Variants in VPS8 observed in about 807,000 individuals in gnomAD.
VPS8 encodes the protein VPS8 subunit of CORVET complex.
In VPS8, 129 loss-of-function variants were observed where a neutral mutation model predicts 216.4. The observed-to-expected ratio is 0.60, with a 90% CI of 0.52 to 0.69. The LOEUF is 0.69. VPS8 is among the 30% of genes least tolerant of loss of function. The pLI, the probability that VPS8 is intolerant of heterozygous loss-of-function variation, is 0.00. For missense variants in VPS8, 1,531 were observed against 1,683.5 expected (o/e 0.91, Z 1.59); for synonymous variants, 571 against 565.4 (o/e 1.01, Z -0.14).
At chr3:184,826,282 A>G (rs1216374437) in intron 3 of VPS8, 51 bp downstream of exon 3, 1 of 1,496,498 alleles carries the variant, frequency 6.7e-7, no homozygotes, top group Non-Finnish European at 9.2e-7. Context: ...ATTCATCTTA[A>G]TACTTTTTGG....
At chr3:184,922,528 T>C in intron 29 of VPS8, 2 of 402,410 alleles carry the variant, frequency 5.0e-6, no homozygotes, top group South Asian at 3.7e-5. Flanking sequence ...TATACTAAGT[T>C]GGAAGAGTGA....
intron 25 of VPS8, among the ~76,000 whole-genome samples, chr3:184,903,641 T>G (rs1734978802): frequency 1.3e-5 from 2 of 151,412 alleles, no homozygotes; most frequent in South Asian, 4.2e-4. Context: ...CAAGACAGGG[T>G]CTTGCTATGT....
chr3:184,849,392 A>T (rs1723831159), intron 9 of VPS8, 197 bp downstream of exon 9: 1 of 518,596 alleles, frequency 1.9e-6, no homozygotes, highest in African/African-American at 2.0e-5. Context: ...AGAGTCTGTA[A>T]TTTTTTATAT....
At chr3:184,932,734 A>G (rs1316584596) in intron 34 of VPS8, among the ~76,000 whole-genome samples, 1 of 152,026 alleles carries the variant, frequency 6.6e-6, no homozygotes, top group Non-Finnish European at 1.5e-5. Context: ...ATCATACTTT[A>G]TTTTCTTATT....
chr3:184,918,846 G>A (rs1307135435), intron 28 of VPS8, among the ~76,000 whole-genome samples: 4 of 152,120 alleles, frequency 2.6e-5, no homozygotes, highest in African/African-American at 4.8e-5. Context: ...TCATGAATCC[G>A]AAGATAGAAC....
At chr3:185,028,665 A>C (rs1757713077) in intron 46 of VPS8, among the ~76,000 whole-genome samples, 1 of 152,198 alleles carries the variant, frequency 6.6e-6, no homozygotes, top group South Asian at 2.1e-4. Flanking sequence ...TTTTTCTCTC[A>C]GAAAACCCTG....
In VPS8 at chr3:184,954,226, A is replaced by C. The variant is rs1478958595; in HGVS notation, c.3036-3148A>C. On this transcript the variant is annotated intron_variant, in intron 36 of 47. Coordinates refer to ENST00000625842, the MANE Select transcript of VPS8 (RefSeq NM_001009921.3). ...GGGAGCTTCCATGCTCTCTCAGTGC[A>C]CACTGCCCTCCAGGACCCTCCACAT... Among the ~76,000 whole-genome samples, 4 of 152,326 alleles carry C rather than the reference A, an allele frequency of 2.6e-5. No individual in the cohort carries two copies. In the East Asian group the frequency reaches 5.8e-4, roughly 22 times the overall value.
At chr3:185,021,697 G>A (rs1490413077) in intron 45 of VPS8, among the ~76,000 whole-genome samples, 1 of 152,196 alleles carries the variant, frequency 6.6e-6, no homozygotes, top group Non-Finnish European at 1.5e-5. Context: ...ACAGCTAGCA[G>A]TTTTGATTGT....
intron 45 of VPS8, among the ~76,000 whole-genome samples, chr3:185,005,812 GT>G (rs1185136374): frequency 1.3e-5 from 2 of 152,072 alleles, no homozygotes; most frequent in African/African-American, 4.8e-5. Context: ...GGTCTTTAGG[GT>G]TTTTAAGGTA....
chr3:184,861,058 G>A (rs1397071971), intron 15 of VPS8, among the ~76,000 whole-genome samples: 2 of 151,998 alleles, frequency 1.3e-5, no homozygotes, highest in Non-Finnish European at 2.9e-5. Flanking sequence ...TCCTGACCTC[G>A]TGATCTGCCC....
rs1354122075 is a variant in VPS8 at position 184,938,792 on chromosome 3, CCCAGGCGGGCAGATCGCTTGAGCTCAG to C, written c.2989-1404_2989-1378del. On this transcript the variant is annotated intron_variant, in intron 35 of 47. Coordinates refer to ENST00000625842, the MANE Select transcript of VPS8 (RefSeq NM_001009921.3). ...CCTATAATCCTAGCATTTTGCAAGG[CCCAGGCGGGCAGATCGCTTGAGCTCAG>C]GAGCTCAAGACCAGCCTGGGCAACA... Among the ~76,000 whole-genome samples the C allele has an allele frequency of 2.6e-5, 4 of 151,802 alleles. No homozygotes were observed. The East Asian group carries it at 5.8e-4, about 22-fold the overall frequency.
At chr3:185,018,309 C>T (rs937967771) in intron 45 of VPS8, among the ~76,000 whole-genome samples, 3 of 152,214 alleles carry the variant, frequency 2.0e-5, no homozygotes, top group South Asian at 2.1e-4. Flanking sequence ...AATCTGCATA[C>T]GGTTCTTTCA....
chr3:184,961,874 C>T (rs1453889915), intron 37 of VPS8, among the ~76,000 whole-genome samples: 1 of 152,070 alleles, frequency 6.6e-6, no homozygotes, highest in African/African-American at 2.4e-5. Context: ...TCAAGTGATT[C>T]TCCTACCTCA....
In VPS8 at chr3:184,994,014, A is replaced by G. The variant is rs750617628; in HGVS notation, c.3617A>G (p.Glu1206Gly). The change falls in exon 43 of 48, where the codon GAA becomes GGA. Residue 1206 changes from glutamate to glycine, a missense_variant. Around this residue, in one of 3 missense-constraint regions of VPS8, gnomAD observed 1,318 missense variants for 1,468.4 expected, o/e 0.90. Transcript: ENST00000625842. ...GTTTATGGAAAAGGAAAACTTGGAG[A>G]AATCCAGGGACTTATCTTGGGAATG... The part of the protein sequence containing the change: ...DPVYGKGKLG[E>G]IQGLILGMLD... The G allele has an allele frequency of 8.8e-5, 138 of 1,567,404 alleles. No homozygotes were observed. Among genetic ancestry groups the G allele is most frequent in the Non-Finnish European group, 1.2e-4 (135 of 1,157,242 alleles).
At chr3:184,857,941 G>A (rs1180263932) in intron 14 of VPS8, among the ~76,000 whole-genome samples, 1 of 152,178 alleles carries the variant, frequency 6.6e-6, no homozygotes, top group East Asian at 1.9e-4. Context: ...GTGATTTAGT[G>A]AAGTGAAGAG....
At chr3:184,886,477 A>T (rs2108873815) in intron 22 of VPS8, among the ~76,000 whole-genome samples, 1 of 152,036 alleles carries the variant, frequency 6.6e-6, no homozygotes, top group East Asian at 1.9e-4. Context: ...ATATACACAC[A>T]CACACGCATA....
rs536895663 is a variant in VPS8, at chr3:184,856,914, G to T, written c.1143+1096G>T. Among the ~76,000 whole-genome samples the T allele has an allele frequency of 2.0e-4, 30 of 152,244 alleles. No individual in the cohort carries two copies. The South Asian group carries it at 5.8e-3, about 29-fold the overall frequency. ...ACAAAAGAGGGACGAGGTCTTGCGG[G>T]TCTCCAACCAAGGCCCAGGCTGACT... On this transcript the variant is annotated intron_variant, in intron 14 of 47. Transcript: ENST00000625842.
chr3:184,962,724 A>AGT lies in VPS8; in HGVS notation c.3184-1703_3184-1702dup, dbSNP rs10562348. ...TTAGTTTACCATTCTTTAAGGCTTA[A>AGT]GTGTGTGTGTGTGTGTGTGTGTGTG... On this transcript the variant is annotated intron_variant, in intron 37 of 47. Transcript: ENST00000625842. Among the ~76,000 whole-genome samples, 1,126 of 145,882 alleles carry AGT rather than the reference A, an allele frequency of 7.7e-3. 18 individuals carry two copies. The highest frequency in any genetic ancestry group is 0.028 in the African/African-American group (1,082 of 38,822).
intron 21 of VPS8, among the ~76,000 whole-genome samples, chr3:184,883,608 C>A (rs1730652541): frequency 6.6e-6 from 1 of 152,072 alleles, no homozygotes; most frequent in Non-Finnish European, 1.5e-5. Context: ...GTTGTCAGTA[C>A]TCTAGTTTAG....
Sources: allele counts gnomAD v4.1 joint callset (sites outside exome capture counted in the v4.1 genomes callset), GRCh38; gene constraint gnomAD v4.1.1; regional missense constraint gnomAD v4.1.1; transcripts MANE v1.5; gene names NCBI Gene and HGNC (gene_info 2026-07-23, HGNC 2026-07-21).